SCN11A: variants seen among roughly 807,000 people sequenced by gnomAD.
SCN11A encodes sodium channel protein type 11 subunit alpha.
In SCN11A, 122 loss-of-function variants were observed where a neutral mutation model predicts 162.2. That is an observed-to-expected ratio of 0.75 (90% CI 0.65 to 0.87). SCN11A has a LOEUF of 0.87. SCN11A is among the 40% of genes least tolerant of loss of function. SCN11A has a pLI of 0.00. For synonymous variants in SCN11A, 758 were observed against 751.5 expected (o/e 1.01, Z -0.14); for missense variants, 2,015 against 2,181.6 (o/e 0.92, Z 1.52).
intron 2 of SCN11A, among the ~76,000 whole-genome samples, chr3:38,977,169 T>A (rs1301575502): frequency 6.6e-6 from 1 of 152,198 alleles, no homozygotes; most frequent in Non-Finnish European, 1.5e-5. Flanking sequence ...TAGGTTGTGA[T>A]CACTCAAAAA....
chr3:38,997,604 G>A (rs1009537521), intron 2 of SCN11A, among the ~76,000 whole-genome samples: 10 of 152,196 alleles, frequency 6.6e-5, no homozygotes, highest in Non-Finnish European at 1.3e-4. Flanking sequence ...CTACACAAGG[G>A]CAAGGATCTG....
intron 14 of SCN11A, among the ~76,000 whole-genome samples, chr3:38,905,826 A>G (rs972959119): frequency 6.6e-6 from 1 of 152,194 alleles, no homozygotes; most frequent in Non-Finnish European, 1.5e-5. Context: ...CCCACTAAAT[A>G]TCACAAAATC....
intron 7 of SCN11A, among the ~76,000 whole-genome samples, chr3:38,936,172 C>T (rs2066328396): frequency 6.6e-6 from 1 of 151,758 alleles, no homozygotes. Flanking sequence ...TTCAACAACC[C>T]TTCATGCTAA....
intron 15 of SCN11A, 142 bp downstream of exon 15, chr3:38,905,050 G>A (rs1575273199): frequency 5.8e-6 from 6 of 1,043,164 alleles, no homozygotes; most frequent in South Asian, 5.5e-5. Context: ...AGAGGCAAAG[G>A]AAGTCACTCT....
At chr3:38,934,678 C>G (rs1219623064) in intron 7 of SCN11A, among the ~76,000 whole-genome samples, 1 of 151,892 alleles carries the variant, frequency 6.6e-6, no homozygotes, top group Non-Finnish European at 1.5e-5. Context: ...GAAGAGCTAA[C>G]TATCCTAAAT....
rs185365221 is a variant in SCN11A at position 38,996,658 on chromosome 3, C to T, written c.-280+35722G>A. Among the ~76,000 whole-genome samples, 268 of 152,300 alleles carry T rather than the reference C, an allele frequency of 1.8e-3. 1 individual carries two copies. The highest frequency in any genetic ancestry group is 6.1e-3 in the African/African-American group (255 of 41,558). On this transcript the variant is annotated intron_variant, in intron 2 of 29. Coordinates refer to ENST00000302328, the MANE Select transcript of SCN11A (RefSeq NM_001349253.2). ...TAATGTTCCCATAATACTACAACTG[C>T]ATTGACCCACCTATTAGCATCTGCA...
chr3:38,886,453 A>G (rs184620385), intron 19 of SCN11A, among the ~76,000 whole-genome samples: 1 of 152,348 alleles, frequency 6.6e-6, no homozygotes, highest in Admixed American at 6.5e-5. Context: ...ACTTGTTACA[A>G]AGATACATAA....
rs937124154 is a variant in SCN11A, at chr3:38,846,184, G to A, written c.*510C>T. The A allele has an allele frequency of 5.2e-5, 8 of 155,032 alleles. No homozygotes were observed. The highest frequency in any genetic ancestry group is 1.2e-4 in the Admixed American group (2 of 16,014). 9.6% of individuals were successfully genotyped at this position (155,032 alleles called of 1,614,324 possible). ...GCTGGAGTGCAGTGGCACGATCTTG[G>A]CTCACTGCAACCTCCGTCTCCCAGG... On this transcript the variant is annotated 3_prime_UTR_variant, in exon 30 of 30. Transcript: ENST00000302328.
intron 2 of SCN11A, among the ~76,000 whole-genome samples, chr3:38,987,332 CA>C (rs1304650161): frequency 1.3e-5 from 2 of 150,994 alleles, no homozygotes; most frequent in East Asian, 1.9e-4. Context: ...CACACACACA[CA>C]CACACACACC....
chr3:38,870,807 G>A (rs2065114048), intron 25 of SCN11A, 63 bp from the exon 26 acceptor site: 2 of 1,440,166 alleles, frequency 1.4e-6, no homozygotes, highest in East Asian at 4.5e-5. Flanking sequence ...CAGATACATG[G>A]CATGGAAAAG....
rs560407940 is a variant in SCN11A at position 38,899,309 on chromosome 3, G to T, written c.2022+585C>A. Among the ~76,000 whole-genome samples the T allele has an allele frequency of 6.6e-5, 10 of 152,208 alleles. No individual in the cohort carries two copies. The East Asian group carries it at 1.9e-3, about 30-fold the overall frequency. On this transcript the variant is annotated intron_variant, in intron 17 of 29. Coordinates refer to ENST00000302328, the MANE Select transcript of SCN11A (RefSeq NM_001349253.2). Reference sequence around the variant, plus strand: ...AAAGACAATGATTTCCTCATCCTTTGTGCCTTCCCTCATGTCAGTTTATAT... The same window carrying T: ...AAAGACAATGATTTCCTCATCCTTTTTGCCTTCCCTCATGTCAGTTTATAT...
intron 26 of SCN11A, 89 bp downstream of exon 26, chr3:38,870,602 A>C (rs2065109758): frequency 1.9e-6 from 2 of 1,073,688 alleles, no homozygotes; most frequent in Non-Finnish European, 2.8e-6. Context: ...AGCTGCTGGA[A>C]CTATGACGCC....
intron 19 of SCN11A, among the ~76,000 whole-genome samples, chr3:38,887,814 T>C (rs1471054394): frequency 6.6e-6 from 1 of 152,228 alleles, no homozygotes; most frequent in Non-Finnish European, 1.5e-5. Context: ...GTGAATGTTT[T>C]ATCCTAACAT....
At chr3:39,012,264 G>T (rs1559573682) in intron 2 of SCN11A, among the ~76,000 whole-genome samples, 1 of 152,108 alleles carries the variant, frequency 6.6e-6, no homozygotes, top group African/African-American at 2.4e-5. Context: ...GGCAGAGGTT[G>T]CAGTGAGTCG....
At chr3:38,875,637 G>C (rs991388293) in intron 23 of SCN11A, among the ~76,000 whole-genome samples, 2 of 151,894 alleles carry the variant, frequency 1.3e-5, no homozygotes, top group Admixed American at 1.3e-4. Context: ...AAAATACTTA[G>C]GAATATACCT....
chr3:38,907,043 T>C (rs1403292536), intron 14 of SCN11A, among the ~76,000 whole-genome samples: 1 of 152,044 alleles, frequency 6.6e-6, no homozygotes, highest in African/African-American at 2.4e-5. Flanking sequence ...GCTCTCTTTT[T>C]CCTTTTACTG....
At chr3:38,907,357 T>C (rs200271739) in intron 14 of SCN11A, among the ~76,000 whole-genome samples, 1,886 of 128,486 alleles carry the variant, frequency 0.015, 20 homozygotes, top group Non-Finnish European at 0.02. Flanking sequence ...TATCTATATA[T>C]ACACACACAC....
At chr3:39,022,497 C>T (rs1325824818) in intron 2 of SCN11A, among the ~76,000 whole-genome samples, 2 of 152,168 alleles carry the variant, frequency 1.3e-5, no homozygotes, top group Non-Finnish European at 2.9e-5. Context: ...TCAGTTGACA[C>T]TTCCTAGGTA....
At chr3:38,848,107 T>G (rs1414903508) in intron 29 of SCN11A, among the ~76,000 whole-genome samples, 4 of 152,186 alleles carry the variant, frequency 2.6e-5, no homozygotes, top group African/African-American at 9.7e-5. Flanking sequence ...TCTTTCATAA[T>G]TGTCATCCTC....
Sources: allele counts gnomAD v4.1 joint callset (sites outside exome capture counted in the v4.1 genomes callset), GRCh38; gene constraint gnomAD v4.1.1; transcripts MANE v1.5; gene names NCBI Gene and HGNC (gene_info 2026-07-23, HGNC 2026-07-21).